MAD1L1: variants seen among roughly 807,000 people sequenced by gnomAD.
The protein encoded by MAD1L1 is mitotic arrest deficient 1 like 1.
MAD1L1 carries 95 observed loss-of-function variants against 96.9 expected under a neutral mutation model. The observed-to-expected ratio is 0.98, with a 90% CI of 0.83 to 1.16. The LOEUF (loss-of-function observed/expected upper bound fraction) is 1.16, where lower values mean the gene tolerates loss of function less well. MAD1L1 is among the 50% of genes most tolerant of loss of function. MAD1L1 has a pLI of 0.00. For synonymous variants in MAD1L1, 473 were observed against 396.6 expected, an observed-to-expected ratio of 1.19 and a Z score of -2.29; for missense variants, 1,007 against 954.4, an observed-to-expected ratio of 1.06 and a Z score of -0.73.
At chr7:1,976,319 GATGTTCGGAC>G (rs1195024011) in intron 15 of MAD1L1, among the ~76,000 whole-genome samples, 2 of 152,204 alleles carry the variant, frequency 1.3e-5, no homozygotes, top group Non-Finnish European at 2.9e-5. Context: ...TGTTCCTTCC[GATGTTCGGAC>G]ATGTTCGGAG....
At chr7:1,888,514 G>C (rs1786316121) in intron 18 of MAD1L1, among the ~76,000 whole-genome samples, 1 of 147,064 alleles carries the variant, frequency 6.8e-6, no homozygotes, top group Non-Finnish European at 1.5e-5. Context: ...CTGTTCGTGT[G>C]TGTGCATGCG....
At chr7:1,946,869 C>T (rs781567119) in intron 16 of MAD1L1, among the ~76,000 whole-genome samples, 1 of 152,244 alleles carries the variant, frequency 6.6e-6, no homozygotes, top group Admixed American at 6.5e-5. Flanking sequence ...TAAGCCCACA[C>T]CTGTGCCTCC....
chr7:1,969,368 C>T (rs1358728009), intron 15 of MAD1L1, among the ~76,000 whole-genome samples: 1 of 151,912 alleles, frequency 6.6e-6, no homozygotes, highest in Non-Finnish European at 1.5e-5. Flanking sequence ...GGTGACAGAG[C>T]GAAACTCCAC....
rs564107476 is a variant in MAD1L1 at position 2,014,689 on chromosome 7, G to A, written c.1219-47C>T. ...GATCAGGACCCGGGACGGGGGATGA[G>A]GTAATGATGGAGACGGCTCAGGGAA... On this transcript the variant is annotated intron_variant, in intron 12 of 18. Coordinates refer to ENST00000265854, the MANE Select transcript of MAD1L1 (RefSeq NM_001013836.2). 7 of 1,557,370 alleles carry A rather than the reference G, an allele frequency of 4.5e-6. No individual in the cohort carries two copies. The South Asian group carries it at 8.3e-5, about 19-fold the overall frequency.
chr7:1,874,788 A>C (rs1277693067), intron 18 of MAD1L1, among the ~76,000 whole-genome samples: 2 of 151,574 alleles, frequency 1.3e-5, no homozygotes, highest in Admixed American at 6.6e-5. Flanking sequence ...GCTCCAGGAG[A>C]GAGAGGTTGG....
chr7:2,047,665 T>TGCACACACATGTGCGC (rs1214451246), intron 12 of MAD1L1, among the ~76,000 whole-genome samples: 11 of 152,234 alleles, frequency 7.2e-5, no homozygotes, highest in African/African-American at 2.7e-4. Context: ...TAAGCACAGA[T>TGCACACACATGTGCGC]GCACACACAT....
intron 12 of MAD1L1, among the ~76,000 whole-genome samples, chr7:2,045,109 T>C (rs1783863030): frequency 1.3e-5 from 2 of 152,164 alleles, no homozygotes; most frequent in Admixed American, 1.3e-4. Flanking sequence ...GCAAGGGAGC[T>C]GCTGCCACCA....
intron 10 of MAD1L1, among the ~76,000 whole-genome samples, chr7:2,162,891 T>G (rs912334420): frequency 4.0e-5 from 6 of 151,424 alleles, no homozygotes; most frequent in Non-Finnish European, 8.8e-5. Context: ...TTTTTTTGCA[T>G]GAACCATGTC....
chr7:1,925,734 C>T (rs1486948229), intron 17 of MAD1L1, among the ~76,000 whole-genome samples: 2 of 152,198 alleles, frequency 1.3e-5, no homozygotes, highest in East Asian at 1.9e-4. Context: ...TTGAACTGAA[C>T]ACACATAAAA....
intron 11 of MAD1L1, among the ~76,000 whole-genome samples, chr7:2,073,156 G>C (rs192915087): frequency 6.6e-6 from 1 of 152,276 alleles, no homozygotes; most frequent in African/African-American, 2.4e-5. Context: ...CCCGGCCCTC[G>C]GCCTGTAACA....
intron 18 of MAD1L1, among the ~76,000 whole-genome samples, chr7:1,870,450 A>C (rs1583608528): frequency 8.7e-6 from 1 of 115,446 alleles, no homozygotes. Context: ...CCACCGTAAC[A>C]CCTGCCACGC....
intron 18 of MAD1L1, among the ~76,000 whole-genome samples, chr7:1,827,221 C>T (rs916612205): frequency 6.6e-6 from 1 of 152,216 alleles, no homozygotes; most frequent in Admixed American, 6.5e-5. Context: ...GGAGAAGGGG[C>T]TGAGTGTGGG....
At chr7:1,823,341 G>A (rs1328018655) in intron 18 of MAD1L1, among the ~76,000 whole-genome samples, 1 of 152,172 alleles carries the variant, frequency 6.6e-6, no homozygotes, top group Non-Finnish European at 1.5e-5. Flanking sequence ...ATGAGGCAGA[G>A]CTCTGACACT....
At chr7:1,839,201 T>C (rs1213496718) in intron 18 of MAD1L1, among the ~76,000 whole-genome samples, 3 of 151,352 alleles carry the variant, frequency 2.0e-5, no homozygotes, top group African/African-American at 7.3e-5. Context: ...TTCGTGTAGG[T>C]GGAGCAGGGC....
intron 10 of MAD1L1, among the ~76,000 whole-genome samples, chr7:2,187,584 T>A (rs746334272): frequency 1.2e-4 from 19 of 152,240 alleles, no homozygotes; most frequent in Non-Finnish European, 2.4e-4. Context: ...TCCTCCCACC[T>A]CAACTTTCCG....
At chr7:2,111,125 G>A (rs1202987816) in intron 11 of MAD1L1, among the ~76,000 whole-genome samples, 1 of 152,230 alleles carries the variant, frequency 6.6e-6, no homozygotes, top group African/African-American at 2.4e-5. Flanking sequence ...TTAAAGACAA[G>A]AGGAACAAAG....
At chr7:1,835,448 C>T (rs890334940) in intron 18 of MAD1L1, among the ~76,000 whole-genome samples, 9 of 152,180 alleles carry the variant, frequency 5.9e-5, no homozygotes, top group Admixed American at 1.3e-4. Flanking sequence ...CTGGAACTAA[C>T]ACATGAGTTT....
At chr7:2,058,660 G>C (rs1784489938) in intron 12 of MAD1L1, among the ~76,000 whole-genome samples, 1 of 111,092 alleles carries the variant, frequency 9.0e-6, no homozygotes, top group African/African-American at 3.6e-5. Context: ...GAGGGAGTGT[G>C]GCCAGAGGAG....
At chr7:1,919,116 T>C (rs1236553410) in intron 17 of MAD1L1, among the ~76,000 whole-genome samples, 3 of 152,250 alleles carry the variant, frequency 2.0e-5, no homozygotes, top group Non-Finnish European at 4.4e-5. Flanking sequence ...CGTCCGCCTG[T>C]CACGCTCACC....
Sources: allele counts gnomAD v4.1 joint callset (sites outside exome capture counted in the v4.1 genomes callset), GRCh38; gene constraint gnomAD v4.1.1; transcripts MANE v1.5; gene names NCBI Gene and HGNC (gene_info 2026-07-23, HGNC 2026-07-21).